Variants in IFNLR1 observed in about 807,000 individuals in gnomAD.
The protein encoded by IFNLR1 is CRF2-12.
A neutral mutation model predicts 52.5 loss-of-function variants in IFNLR1; 28 were observed. The observed-to-expected ratio is 0.53, with a 90% CI of 0.40 to 0.73. IFNLR1 has a LOEUF of 0.73. Among genes scored for constraint, IFNLR1 ranks in the 30% least tolerant of loss-of-function variants. IFNLR1 has a pLI of 0.00. For synonymous variants in IFNLR1, 276 were observed against 274.9 expected (o/e 1.00, Z -0.04); for missense variants, 623 against 659.1 (o/e 0.95, Z 0.60).
rs1457115260 is a variant in IFNLR1 at position 24,154,284 on chromosome 1, A to G, written c.*2846T>C. ...AAAAAATAGAAATAAATACAAATAC[A>G]TAAGAACAACATATACCGTTAGTAG... On this transcript the variant is annotated 3_prime_UTR_variant, in exon 7 of 7. Transcript: ENST00000327535. 1.3e-5 allele frequency: 2 copies of G among 152,250 alleles called. No homozygotes were observed. The highest frequency in any genetic ancestry group is 1.9e-4 in the East Asian group (1 of 5,204). The allele number at this position is 152,250 out of a possible 1,614,324, so 9.4% of individuals were successfully genotyped here.
Position 24,155,850 on chromosome 1 carries a change from G to T in IFNLR1, c.*1280C>A, listed in dbSNP as rs751610305. 2 of 152,164 alleles carry T rather than the reference G, an allele frequency of 1.3e-5. No homozygotes were observed. Among genetic ancestry groups the T allele is most frequent in the Non-Finnish European group, 2.9e-5 (2 of 68,054 alleles). The allele number at this position is 152,164 out of a possible 1,614,324, so 9.4% of individuals were successfully genotyped here. ...GTCCTACGGGTGAAAACTCAGCTAC[G>T]CTCATCTATATTCAGGTGGGTGTAG... On this transcript the variant is annotated 3_prime_UTR_variant, in exon 7 of 7. Coordinates refer to ENST00000327535, the MANE Select transcript of IFNLR1 (RefSeq NM_170743.4).
intron 2 of IFNLR1, among the ~76,000 whole-genome samples, chr1:24,177,572 C>T (rs1644645673): frequency 1.3e-5 from 2 of 152,194 alleles, no homozygotes; most frequent in Admixed American, 1.3e-4. Flanking sequence ...AGCCTGGCAG[C>T]CAGTTGGGTT....
rs1192876833 is a variant in IFNLR1, at chr1:24,156,716, G to T, written c.*414C>A. ...CAGTGGCTGCTGGGAAAGGCATGAG[G>T]TATAGCAGGTGTGCCTCCAGTGGTC... On this transcript the variant is annotated 3_prime_UTR_variant, in exon 7 of 7. Transcript: ENST00000327535. 5.6e-6 allele frequency: 1 copy of T among 178,100 alleles called. No homozygotes were observed. Among genetic ancestry groups the T allele is most frequent in the Non-Finnish European group, 1.2e-5 (1 of 85,778 alleles). The allele number at this position is 178,100 out of a possible 1,614,324, so 11.0% of individuals were successfully genotyped here.
intron 2 of IFNLR1, among the ~76,000 whole-genome samples, chr1:24,170,382 A>G (rs958462974): frequency 1.3e-5 from 2 of 152,068 alleles, no homozygotes; most frequent in African/African-American, 4.8e-5. Context: ...ATTTTTTGAG[A>G]TGGAGTCTTG....
In IFNLR1 at chr1:24,154,931, G is replaced by A. The variant is rs1330915857; in HGVS notation, c.*2199C>T. ...AAAAAAACAAAACAAAACAAAAATG[G>A]TAAGGTTTAAGAATAGAAACGGAGT... is the stretch of plus-strand genomic sequence containing the variant. On this transcript the variant is annotated 3_prime_UTR_variant, in exon 7 of 7. Transcript: ENST00000327535. The A allele has an allele frequency of 2.6e-5, 4 of 152,176 alleles. No homozygotes were observed. The highest frequency in any genetic ancestry group is 5.9e-5 in the Non-Finnish European group (4 of 68,048). 9.4% of individuals were successfully genotyped at this position (152,176 alleles called of 1,614,324 possible). A position where few individuals can be genotyped will look rare whatever the true frequency, so the allele number is the denominator to read the frequency against.
chr1:24,176,838 T>C (rs10903045), intron 2 of IFNLR1, among the ~76,000 whole-genome samples: 151,945 of 152,314 alleles, frequency 1, 75,789 homozygotes, highest in South Asian at 1. Context: ...TCTCAAACTC[T>C]TGGGCTCAAG....
In IFNLR1 at chr1:24,156,940, G is replaced by T. The variant is rs755884722; in HGVS notation, c.*190C>A. 3.2e-6 allele frequency: 2 copies of T among 626,970 alleles called. No homozygotes were observed. The highest frequency in any genetic ancestry group is 2.8e-6 in the Non-Finnish European group (1 of 362,304). The allele number at this position is 626,970 out of a possible 1,614,324, so 38.8% of individuals were successfully genotyped here. ...TCTTATAGCTCAGCCTAAAGAGGGC[G>T]GGTCACAGGAGGGAGGGGCATCTTG... On this transcript the variant is annotated 3_prime_UTR_variant, in exon 7 of 7. Coordinates refer to ENST00000327535, the MANE Select transcript of IFNLR1 (RefSeq NM_170743.4).
Position 24,169,458 on chromosome 1 carries a change from G to A in IFNLR1, c.326C>T (p.Ser109Phe), listed in dbSNP as rs1328017870. ...CAGGTATTCGGACTCCACCCAGGGGGACTTGGAGCTGGGAGAAACCGTCCG... is the reference window on the plus strand; with the variant it reads ...CAGGTATTCGGACTCCACCCAGGGGAACTTGGAGCTGGGAGAAACCGTCCG... ...RVRTVSPSSK[S>F]PWVESEYLDY... The change falls in exon 3 of 7, where the codon TCC (serine) becomes TTC (phenylalanine). Residue 109 changes from serine (S) to phenylalanine (F), a missense_variant. By Grantham distance (155) the Ser-to-Phe change is radical. Transcript: ENST00000327535. 4 of 1,614,210 alleles carry A rather than the reference G, an allele frequency of 2.5e-6. No individual in the cohort carries two copies. Among genetic ancestry groups the A allele is most frequent in the South Asian group, 2.2e-5 (2 of 91,080 alleles).
intron 6 of IFNLR1, 101 bp downstream of exon 6, chr1:24,158,951 T>G: frequency 1.6e-6 from 2 of 1,237,292 alleles, no homozygotes; most frequent in Non-Finnish European, 2.3e-6. Flanking sequence ...TCCAAGAGTC[T>G]GGACCATCTT....
intron 2 of IFNLR1, among the ~76,000 whole-genome samples, chr1:24,175,914 AC>A (rs1644627440): frequency 6.6e-6 from 1 of 151,386 alleles, no homozygotes; most frequent in Non-Finnish European, 1.5e-5. Context: ...AGCTTGGGCA[AC>A]AAGAGCAAAA....
At chr1:24,173,975 T>C (rs1644607468) in intron 2 of IFNLR1, among the ~76,000 whole-genome samples, 1 of 152,044 alleles carries the variant, frequency 6.6e-6, no homozygotes, top group African/African-American at 2.4e-5. Context: ...ACGAATTGAG[T>C]TCCCCCAAAA....
intron 1 of IFNLR1, among the ~76,000 whole-genome samples, chr1:24,185,073 T>C (rs866274923): frequency 1.3e-5 from 2 of 152,136 alleles, no homozygotes; most frequent in Admixed American, 6.6e-5. Context: ...TGTATTGTGT[T>C]CTGTGAGCCA....
chr1:24,175,507 C>T lies in IFNLR1; in HGVS notation c.182+5224G>A, dbSNP rs141309689. ...GTCCCATCACTTTATTTTCAAAGCA[C>T]ATAACCTGTCTGGTTTCACAGGTTC... On this transcript the variant is annotated intron_variant, in intron 2 of 6. Coordinates refer to ENST00000327535, the MANE Select transcript of IFNLR1 (RefSeq NM_170743.4). 6.6e-4 allele frequency among the ~76,000 whole-genome samples: 100 copies of T among 152,342 alleles called. 1 individual carries two copies. The East Asian group carries it at 0.018, about 27-fold the overall frequency.
chr1:24,180,799 G>C lies in IFNLR1; in HGVS notation c.114C>G (p.Ser38Arg). The change falls in exon 2 of 7, where the codon AGC (serine) becomes AGG (arginine). Residue 38 changes from serine to arginine, a missense_variant. Ser to Arg is a moderately radical substitution (Grantham distance 110). Transcript: ENST00000327535. ...GCCCTGGGAGCCATGTCAGGTACAC[G>C]CTGAAGTTCTGGGAGAGCAGCGTCA... is the stretch of plus-strand genomic sequence containing the variant. ...QNVTLLSQNF[S>R]VYLTWLPGLG... is the part of the protein sequence containing the mutation. 6.2e-7 allele frequency: 1 copy of C among 1,612,736 alleles called. No homozygotes were observed. Among genetic ancestry groups the C allele is most frequent in the Non-Finnish European group, 8.5e-7 (1 of 1,179,166 alleles).
chr1:24,163,793 G>A (rs1644491334), intron 3 of IFNLR1, among the ~76,000 whole-genome samples: 1 of 152,032 alleles, frequency 6.6e-6, no homozygotes, highest in Admixed American at 6.6e-5. Flanking sequence ...TGGTCAGGCT[G>A]GTCTCGAACT....
At chr1:24,168,518 T>TACTAGCGGTATCAAGTCCACTGGTTA (rs1644542619) in intron 3 of IFNLR1, among the ~76,000 whole-genome samples, 1 of 152,022 alleles carries the variant, frequency 6.6e-6, no homozygotes, top group African/African-American at 2.4e-5. Flanking sequence ...GTATCAAGTT[T>TACTAGCGGTATCAAGTCCACTGGTTA]CTTAGCTTCT....
intron 2 of IFNLR1, among the ~76,000 whole-genome samples, chr1:24,176,402 T>C (rs905831219): frequency 1.3e-5 from 2 of 152,228 alleles, no homozygotes; most frequent in Non-Finnish European, 2.9e-5. Context: ...ATCTTGATTG[T>C]GGTGGTGGGT....
intron 1 of IFNLR1, among the ~76,000 whole-genome samples, chr1:24,183,840 C>A (rs1644713230): frequency 6.6e-6 from 1 of 152,224 alleles, no homozygotes; most frequent in African/African-American, 2.4e-5. Context: ...AGCGATTCTC[C>A]TGCCTCAGCC....
rs543005854 is a variant in IFNLR1, at chr1:24,157,781, C to T, written c.912G>A (p.Pro304=). 3.4e-5 allele frequency: 55 copies of T among 1,614,186 alleles called. No homozygotes were observed. The highest frequency in any genetic ancestry group is 1.8e-4 in the Admixed American group (11 of 60,026). ...TGGCTGGGGCCCTGACTCGAGGCGT[C>T]GGCCTGACCCCTCTGGTCAGTTCCT... ...PQKELTRGVR[P]TPRVRAPATQ... The change falls in exon 7 of 7, where the codon CCG becomes CCA. Residue 304 remains proline, a synonymous_variant. Transcript: ENST00000327535. The surrounding 1 kb of genome is among the most constrained non-coding windows in gnomAD (Gnocchi z 5.1).
Sources: allele counts gnomAD v4.1 joint callset (sites outside exome capture counted in the v4.1 genomes callset), GRCh38; gene constraint gnomAD v4.1.1; non-coding constraint Gnocchi (gnomAD v3.1); transcripts MANE v1.5; gene names NCBI Gene and HGNC (gene_info 2026-07-23, HGNC 2026-07-21).